The following KLHL4 variants were observed in gnomAD, a reference collection of about 807,000 sequenced individuals.
KLHL4 encodes the protein kelch like family member 4, also known as kelch-like protein 4.
In KLHL4, 17 loss-of-function variants were observed where a neutral mutation model predicts 45.8. The ratio of observed to expected loss-of-function variants is 0.37; its 90% CI spans 0.25 to 0.56. The LOEUF (loss-of-function observed/expected upper bound fraction) is 0.56, where lower values mean the gene tolerates loss of function less well. KLHL4 is among the 20% of genes least tolerant of loss of function. The pLI, the probability that KLHL4 is intolerant of heterozygous loss-of-function variation, is 0.79. For missense variants in KLHL4, 544 were observed against 544.9 expected, an observed-to-expected ratio of 1.00 and a Z score of 0.02; for synonymous variants, 224 against 189.9, an observed-to-expected ratio of 1.18 and a Z score of -1.47.
In KLHL4 at chrX:87,525,616, C is replaced by T. The variant is rs766685375; in HGVS notation, c.422+7301C>T. Among the ~76,000 whole-genome samples the T allele has an allele frequency of 2.2e-4, 24 of 111,260 alleles. No individual in the cohort carries two copies. In the South Asian group the frequency reaches 8.6e-3, roughly 40 times the overall value. On this transcript the variant is annotated intron_variant, in intron 1 of 10. Transcript: ENST00000373119. ...AGAAGTGAGAAAACTTAAATCAAATCGTTTTCAGTTATCTGATGTTTTAGG... is the reference window on the plus strand; with the variant it reads ...AGAAGTGAGAAAACTTAAATCAAATTGTTTTCAGTTATCTGATGTTTTAGG...
intron 8 of KLHL4, 48 bp from the exon 9 acceptor site, chrX:87,635,515 A>G (rs776923199): frequency 4.1e-6 from 4 of 969,747 alleles, no homozygotes; most frequent in Non-Finnish European, 4.4e-6. Context: ...TTGTGTGTAT[A>G]TGTATACACA....
intron 1 of KLHL4, among the ~76,000 whole-genome samples, chrX:87,600,608 C>A (rs1406606062): frequency 8.9e-6 from 1 of 111,760 alleles, no homozygotes; most frequent in African/African-American, 3.3e-5. Flanking sequence ...TTTAAGTTTT[C>A]GGAGACCTCC....
intron 1 of KLHL4, among the ~76,000 whole-genome samples, chrX:87,535,415 C>A (rs942617844): frequency 1.8e-5 from 2 of 112,023 alleles, no homozygotes; most frequent in African/African-American, 6.5e-5. Flanking sequence ...ATATGTGATA[C>A]AATTGTGACA....
At chrX:87,614,131 T>C (rs1408410403) in intron 2 of KLHL4, 87 bp downstream of exon 2, 5 of 705,178 alleles carry the variant, frequency 7.1e-6, no homozygotes, top group Non-Finnish European at 1.0e-5. Context: ...AACTGGAATA[T>C]TGTAAAAATA....
intron 1 of KLHL4, among the ~76,000 whole-genome samples, chrX:87,527,028 A>T (rs1456558820): frequency 2.7e-5 from 3 of 112,038 alleles, no homozygotes; most frequent in Non-Finnish European, 5.6e-5. Context: ...AAACTATAAA[A>T]CTATGGAATG....
intron 4 of KLHL4, among the ~76,000 whole-genome samples, chrX:87,619,866 G>T (rs1236664409): frequency 8.9e-6 from 1 of 111,750 alleles, no homozygotes; most frequent in East Asian, 2.8e-4. Context: ...CTATAATAAT[G>T]TTGTTGCAGT....
At chrX:87,660,637 G>A (rs1467793703) in intron 9 of KLHL4, among the ~76,000 whole-genome samples, 1 of 112,010 alleles carries the variant, frequency 8.9e-6, no homozygotes, top group Non-Finnish European at 1.9e-5. Flanking sequence ...TTGAGGCCAG[G>A]AGATTGAGAC....
At chrX:87,556,671 T>A (rs903830102) in intron 1 of KLHL4, among the ~76,000 whole-genome samples, 1 of 88,968 alleles carries the variant, frequency 1.1e-5, no homozygotes, top group African/African-American at 4.4e-5. Flanking sequence ...ACTTAAAGTA[T>A]AATAATAAAA....
intron 9 of KLHL4, among the ~76,000 whole-genome samples, chrX:87,659,307 A>G (rs1361466212): frequency 9.2e-6 from 1 of 108,154 alleles, no homozygotes; most frequent in Non-Finnish European, 1.9e-5. Flanking sequence ...TTCAGTAGTG[A>G]TGGAGTTTCA....
chrX:87,529,313 C>T lies in KLHL4; in HGVS notation c.422+10998C>T, dbSNP rs185541040. On this transcript the variant is annotated intron_variant, in intron 1 of 10. Coordinates refer to ENST00000373119, the MANE Select transcript of KLHL4 (RefSeq NM_019117.5). ...TAATCCAACTCAAAATACTCCAGGG[C>T]TATAATGGTACTCTGTGCATCATTC... Among the ~76,000 whole-genome samples, 470 of 111,452 alleles carry T rather than the reference C, an allele frequency of 4.2e-3. 4 individuals carry two copies. The highest frequency in any genetic ancestry group is 0.014 in the African/African-American group (432 of 30,793).
At chrX:87,544,400 C>T (rs759399500) in intron 1 of KLHL4, among the ~76,000 whole-genome samples, 1 of 111,861 alleles carries the variant, frequency 8.9e-6, no homozygotes, top group Non-Finnish European at 1.9e-5. Flanking sequence ...GGGGACCTCA[C>T]TGCCTTGAAG....
intron 1 of KLHL4, among the ~76,000 whole-genome samples, chrX:87,560,831 GTTTC>G (rs1470012937): frequency 1.8e-5 from 2 of 111,300 alleles, no homozygotes; most frequent in Non-Finnish European, 3.8e-5. Flanking sequence ...GTAAACTACA[GTTTC>G]TTTATTCAAT....
chrX:87,629,115 G>A (rs1192655639), intron 6 of KLHL4, among the ~76,000 whole-genome samples: 1 of 111,621 alleles, frequency 9.0e-6, no homozygotes, highest in East Asian at 2.8e-4. Context: ...CACTACTGCA[G>A]GAACTACAGT....
At position 87,669,545 on chromosome X, in the gene KLHL4, T is replaced by C; in HGVS notation, c.*3011T>C. On this transcript the variant is annotated 3_prime_UTR_variant, in exon 11 of 11. Transcript: ENST00000373119. ...GAAAAAAAAACCCTGTGACTCTGGA[T>C]TTTATTTTAAGTTCTCTAACAAGAC... is the stretch of plus-strand genomic sequence containing the variant. 1.5e-6 allele frequency: 1 copy of C among 673,738 alleles called. No individual in the cohort carries two copies. Among genetic ancestry groups the C allele is most frequent in the Non-Finnish European group, 2.1e-6 (1 of 479,330 alleles). The allele number at this position is 673,738 out of a possible 1,213,427, so 55.5% of individuals were successfully genotyped here.
At chrX:87,647,176 G>A (rs1302749918) in intron 9 of KLHL4, among the ~76,000 whole-genome samples, 1 of 111,404 alleles carries the variant, frequency 9.0e-6, no homozygotes, top group African/African-American at 3.3e-5. Flanking sequence ...CAAATCAAAA[G>A]CACAATGCAA....
chrX:87,517,815 A>G lies in KLHL4; in HGVS notation c.-79A>G, dbSNP rs927482948. On this transcript the variant is annotated 5_prime_UTR_variant, in exon 1 of 11. Coordinates refer to ENST00000373119, the MANE Select transcript of KLHL4 (RefSeq NM_019117.5). ...ACTTGTGCTTTTGTTAGTTCTACAG[A>G]AGAGGCAGAAAAACAAGAGATAACA... is the stretch of plus-strand genomic sequence containing the variant. 3 of 1,034,178 alleles carry G rather than the reference A, an allele frequency of 2.9e-6. No individual in the cohort carries two copies. Among genetic ancestry groups the G allele is most frequent in the Middle Eastern group, 5.2e-4 (2 of 3,820 alleles). The allele number at this position is 1,034,178 out of a possible 1,213,427, so 85.2% of individuals were successfully genotyped here. A position where few individuals can be genotyped will look rare whatever the true frequency, so the allele number is the denominator to read the frequency against.
intron 9 of KLHL4, among the ~76,000 whole-genome samples, chrX:87,662,336 T>C (rs892355295): frequency 8.9e-6 from 1 of 111,743 alleles, no homozygotes; most frequent in Admixed American, 9.5e-5. Context: ...ATGTGATTCA[T>C]AGATGAAGAA....
intron 1 of KLHL4, among the ~76,000 whole-genome samples, chrX:87,568,339 G>A (rs1422111556): frequency 1.1e-4 from 12 of 105,622 alleles, no homozygotes; most frequent in African/African-American, 3.8e-4. Context: ...CATATTCAAT[G>A]CAATCGCTAT....
At chrX:87,557,524 C>T (rs1050879781) in intron 1 of KLHL4, among the ~76,000 whole-genome samples, 5 of 111,571 alleles carry the variant, frequency 4.5e-5, no homozygotes, top group Admixed American at 9.6e-5. Context: ...TACTCTGATG[C>T]GATGTCTTAT....
Sources: gnomAD v4.1 joint callset for allele counts (sites outside exome capture counted in the v4.1 genomes callset) on GRCh38, gnomAD v4.1.1 for gene constraint, MANE v1.5 for transcripts, NCBI Gene and HGNC (gene_info 2026-07-23, HGNC 2026-07-21) for gene names.